Variants in CSMD1 observed in about 807,000 individuals in gnomAD.
CSMD1 encodes CUB and sushi domain-containing protein 1.
In CSMD1, 213 loss-of-function variants were observed where a neutral mutation model predicts 417.5. The ratio of observed to expected loss-of-function variants is 0.51; its 90% CI spans 0.46 to 0.57. The LOEUF is 0.57. Among genes scored for constraint, CSMD1 ranks in the 20% least tolerant of loss-of-function variants. The pLI, the probability that CSMD1 is intolerant of heterozygous loss-of-function variation, is 0.00. For synonymous variants in CSMD1, 2,862 were observed against 1,736.8 expected, an observed-to-expected ratio of 1.65 and a Z score of -16.11; for missense variants, 6,923 against 4,529.7, an observed-to-expected ratio of 1.53 and a Z score of -15.17.
At chr8:4,788,541 T>C (rs1797529608) in intron 1 of CSMD1, 2 of 1,413,266 alleles carry the variant, frequency 1.4e-6, no homozygotes, top group Non-Finnish European at 2.0e-6. Flanking sequence ...AACACATGTA[T>C]TTCCTTGAAG....
At chr8:3,927,631 C>G (rs1242352213) in intron 5 of CSMD1, among the ~76,000 whole-genome samples, 1 of 152,102 alleles carries the variant, frequency 6.6e-6, no homozygotes, top group Non-Finnish European at 1.5e-5. Flanking sequence ...CGCCACTGAA[C>G]TCCACACTCG....
At chr8:4,817,008 G>A (rs1029000476) in intron 1 of CSMD1, among the ~76,000 whole-genome samples, 8 of 152,142 alleles carry the variant, frequency 5.3e-5, no homozygotes, top group East Asian at 1.9e-4. Context: ...AGAGCAGAGG[G>A]CTCAGAGGCT....
intron 2 of CSMD1, among the ~76,000 whole-genome samples, chr8:4,495,725 G>C (rs1445863254): frequency 6.7e-6 from 1 of 149,534 alleles, no homozygotes; most frequent in Non-Finnish European, 1.5e-5. Flanking sequence ...CCTTATAGGA[G>C]AGTTATATTG....
intron 3 of CSMD1, among the ~76,000 whole-genome samples, chr8:4,410,636 T>TGC (rs1254333708): frequency 6.6e-6 from 1 of 152,194 alleles, no homozygotes; most frequent in Non-Finnish European, 1.5e-5. Flanking sequence ...GTAATGTATA[T>TGC]GCATGTAAAC....
chr8:3,112,586 C>G (rs1231497272), intron 42 of CSMD1, among the ~76,000 whole-genome samples: 2 of 152,188 alleles, frequency 1.3e-5, no homozygotes, highest in African/African-American at 4.8e-5. Context: ...AATCTTTTCA[C>G]TCACTCACTC....
chr8:4,575,669 C>G (rs750170779), intron 2 of CSMD1, among the ~76,000 whole-genome samples: 52 of 152,142 alleles, frequency 3.4e-4, no homozygotes, highest in Non-Finnish European at 7.5e-4. Context: ...ATAAAATTGT[C>G]TAAATACAGG....
chr8:4,515,052 C>G (rs906895276), intron 2 of CSMD1, among the ~76,000 whole-genome samples: 2 of 152,134 alleles, frequency 1.3e-5, no homozygotes, highest in Admixed American at 6.5e-5. Flanking sequence ...AACTACACTC[C>G]ACACCCAGAA....
At chr8:3,834,418 C>T (rs368993212) in intron 5 of CSMD1, among the ~76,000 whole-genome samples, 13 of 151,952 alleles carry the variant, frequency 8.6e-5, no homozygotes, top group Non-Finnish European at 1.9e-4. Context: ...CCAAATACCC[C>T]CTGGAAGTGG....
intron 21 of CSMD1, among the ~76,000 whole-genome samples, chr8:3,354,556 A>G (rs1808615917): frequency 6.6e-6 from 1 of 152,156 alleles, no homozygotes; most frequent in Non-Finnish European, 1.5e-5. Flanking sequence ...ATATTAATCA[A>G]AATATGCAAT....
intron 5 of CSMD1, among the ~76,000 whole-genome samples, chr8:3,778,338 C>T (rs769716824): frequency 6.6e-6 from 1 of 152,196 alleles, no homozygotes; most frequent in African/African-American, 2.4e-5. Context: ...TTAGGGAAAC[C>T]TGTGTAATCA....
At chr8:4,248,607 T>C (rs1802854761) in intron 3 of CSMD1, among the ~76,000 whole-genome samples, 1 of 152,200 alleles carries the variant, frequency 6.6e-6, no homozygotes, top group Non-Finnish European at 1.5e-5. Context: ...AAATATGAAC[T>C]TCTCGAAAAG....
At chr8:4,451,965 T>C (rs946264311) in intron 2 of CSMD1, among the ~76,000 whole-genome samples, 1 of 148,852 alleles carries the variant, frequency 6.7e-6, no homozygotes, top group African/African-American at 2.4e-5. Flanking sequence ...TATAAATATA[T>C]ATAATTTGAT....
chr8:4,065,341 G>C (rs569020337), intron 3 of CSMD1, among the ~76,000 whole-genome samples: 10 of 152,282 alleles, frequency 6.6e-5, no homozygotes, highest in Admixed American at 2.6e-4. Flanking sequence ...AATAAGGCTG[G>C]TGTTCACCAA....
chr8:3,986,310 A>C (rs1005596105), intron 5 of CSMD1, among the ~76,000 whole-genome samples: 2 of 152,182 alleles, frequency 1.3e-5, no homozygotes, highest in Admixed American at 1.3e-4. Flanking sequence ...CTAAAAGCTC[A>C]GTGAAAACCC....
intron 43 of CSMD1, among the ~76,000 whole-genome samples, chr8:3,109,269 G>C (rs1038561877): frequency 6.6e-6 from 1 of 152,078 alleles, no homozygotes; most frequent in Non-Finnish European, 1.5e-5. Context: ...GTCTCAAAAA[G>C]AAATAAATTA....
At chr8:3,816,742 T>A (rs1801389852) in intron 5 of CSMD1, among the ~76,000 whole-genome samples, 1 of 152,180 alleles carries the variant, frequency 6.6e-6, no homozygotes, top group Admixed American at 6.5e-5. Context: ...ACCAGAACCT[T>A]GAAAATATGC....
intron 3 of CSMD1, among the ~76,000 whole-genome samples, chr8:4,397,179 CATGT>C (rs1451192551): frequency 2.6e-5 from 4 of 152,066 alleles, no homozygotes; most frequent in African/African-American, 9.7e-5. Context: ...TGATGATCAA[CATGT>C]ATGTGTTTGA....
intron 10 of CSMD1, among the ~76,000 whole-genome samples, chr8:3,563,041 C>G (rs539986355): frequency 6.6e-6 from 1 of 151,922 alleles, no homozygotes; most frequent in South Asian, 2.1e-4. Flanking sequence ...AATGCAATGC[C>G]ATTCTTTGCT....
intron 25 of CSMD1, among the ~76,000 whole-genome samples, chr8:3,303,447 C>T (rs1235602557): frequency 2.0e-5 from 3 of 152,192 alleles, no homozygotes; most frequent in Non-Finnish European, 4.4e-5. Context: ...TAAAAGTCTG[C>T]ATAGGAATGC....
Sources: gnomAD v4.1 joint callset for allele counts (sites outside exome capture counted in the v4.1 genomes callset) on GRCh38, gnomAD v4.1.1 for gene constraint, MANE v1.5 for transcripts, NCBI Gene and HGNC (gene_info 2026-07-23, HGNC 2026-07-21) for gene names.